DLG5: variants seen among roughly 807,000 people sequenced by gnomAD.
DLG5 encodes discs large MAGUK scaffold protein 5.
Under a neutral mutation model 189.8 loss-of-function variants are expected in DLG5, and 48 were observed. The ratio of observed to expected loss-of-function variants is 0.25; its 90% CI spans 0.20 to 0.32. The LOEUF (loss-of-function observed/expected upper bound fraction) is 0.32. DLG5 is among the 10% of genes least tolerant of loss of function. The pLI is 1.00. For synonymous variants in DLG5, 1,016 were observed against 1,054.1 expected, an observed-to-expected ratio of 0.96 and a Z score of 0.70; for missense variants, 2,160 against 2,544.7, an observed-to-expected ratio of 0.85 and a Z score of 3.25.
chr10:77,811,168 A>T lies in DLG5; in HGVS notation c.4389T>A (p.His1463Gln), dbSNP rs556934046. 1 of 1,613,272 alleles carries T rather than the reference A, an allele frequency of 6.2e-7. No individual in the cohort carries two copies. Among genetic ancestry groups the T allele is most frequent in the African/African-American group, 1.3e-5 (1 of 74,920 alleles). Residue 1463 changes from histidine (H) to glutamine (Q), a missense_variant, in exon 23 of 32, where the codon CAT becomes CAA. Coordinates refer to ENST00000372391, the MANE Select transcript of DLG5 (RefSeq NM_004747.4). The stretch of plus-strand genomic sequence containing the variant: ...CCATCAGTGGGTCGATGACAGATGG[A>T]TGCTCCGGGGTGGTGGTGCCACTGC... Reference protein sequence around the residue: ...LQGSGTTTPEHPSVIDPLMEQ... With the variant: ...LQGSGTTTPEQPSVIDPLMEQ...
intron 1 of DLG5, among the ~76,000 whole-genome samples, chr10:77,885,073 TC>T (rs1845398680): frequency 6.6e-6 from 1 of 152,134 alleles, no homozygotes; most frequent in African/African-American, 2.4e-5. Context: ...GGCTGTCACC[TC>T]CTATCCCCCC....
chr10:77,841,670 C>T (rs1843422000), intron 7 of DLG5, among the ~76,000 whole-genome samples: 1 of 152,184 alleles, frequency 6.6e-6, no homozygotes, highest in African/African-American at 2.4e-5. Flanking sequence ...GGGTCTCCCT[C>T]CCGCCTTGTC....
rs533258005 is a variant in DLG5 at position 77,886,413 on chromosome 10, C to T, written c.305-17216G>A. 1.5e-4 allele frequency among the ~76,000 whole-genome samples: 22 copies of T among 150,730 alleles called. No individual in the cohort carries two copies. The East Asian group carries it at 4.3e-3, about 29-fold the overall frequency. On this transcript the variant is annotated intron_variant, in intron 1 of 31. Coordinates refer to ENST00000372391, the MANE Select transcript of DLG5 (RefSeq NM_004747.4). ...TTTTTTTTTTGGAGACAGAGTCTCGCTCTGTCACCCAGGCTAGATCTCAGC... is the reference window on the plus strand; with the variant it reads ...TTTTTTTTTTGGAGACAGAGTCTCGTTCTGTCACCCAGGCTAGATCTCAGC...
chr10:77,795,022 C>CTGGTGGCAGGA, intron 29 of DLG5, 64 bp from the exon 30 acceptor site: 3 of 1,375,532 alleles, frequency 2.2e-6, no homozygotes, highest in African/African-American at 1.4e-5. Context: ...CCCTGTCCTG[C>CTGGTGGCAGGA]CACCAGCAGG....
intron 3 of DLG5, 132 bp downstream of exon 3, chr10:77,856,598 G>A: frequency 1.7e-6 from 2 of 1,182,524 alleles, no homozygotes; most frequent in Non-Finnish European, 2.4e-6. Flanking sequence ...GACATGAGGT[G>A]GGGGAAAGGG....
chr10:77,923,666 G>T (rs1427713887), intron 1 of DLG5, among the ~76,000 whole-genome samples: 2 of 152,182 alleles, frequency 1.3e-5, no homozygotes, highest in Non-Finnish European at 2.9e-5. Context: ...GCTGAGGCAG[G>T]AGGATGGCTT....
At position 77,835,995 on chromosome 10, in the gene DLG5, CG is replaced by C; in HGVS notation, c.1438-74del. The C allele has an allele frequency of 6.7e-6, 10 of 1,502,666 alleles. No individual in the cohort carries two copies. The South Asian group carries it at 1.3e-4, about 19-fold the overall frequency. The allele number at this position is 1,502,666 out of a possible 1,614,324, so 93.1% of individuals were successfully genotyped here. The stretch of plus-strand genomic sequence containing the variant: ...GGACCAGGAGCGCCTCCCACCAGTG[CG>C]GGGGCCAAGGCTGAGGCTCTAGGGA... On this transcript the variant is annotated intron_variant, in intron 7 of 31. Transcript: ENST00000372391.
chr10:77,834,335 A>G (rs889678793), intron 8 of DLG5, among the ~76,000 whole-genome samples: 1 of 151,968 alleles, frequency 6.6e-6, no homozygotes, highest in Admixed American at 6.5e-5. Flanking sequence ...GTTAAGGACC[A>G]CCCTCTGCAC....
intron 1 of DLG5, among the ~76,000 whole-genome samples, chr10:77,875,606 G>A (rs1169817928): frequency 6.6e-6 from 1 of 152,196 alleles, no homozygotes; most frequent in Non-Finnish European, 1.5e-5. Flanking sequence ...GCACTCAAGA[G>A]CCACTCAATT....
chr10:77,875,988 T>C (rs992882647), intron 1 of DLG5, among the ~76,000 whole-genome samples: 1 of 152,072 alleles, frequency 6.6e-6, no homozygotes, highest in Admixed American at 6.5e-5. Flanking sequence ...GGCCCTGGAA[T>C]GGAGCAACCA....
Position 77,830,307 on chromosome 10 carries a change from G to A in DLG5, c.1919C>T (p.Ala640Val), listed in dbSNP as rs1842838564. 6.2e-7 allele frequency: 1 copy of A among 1,614,052 alleles called. No homozygotes were observed. Among genetic ancestry groups the A allele is most frequent in the South Asian group, 1.1e-5 (1 of 91,084 alleles). The change falls in exon 11 of 32, where the codon GCA becomes GTA. Residue 640 changes from alanine (A) to valine (V), a missense_variant. Coordinates refer to ENST00000372391, the MANE Select transcript of DLG5 (RefSeq NM_004747.4). The stretch of plus-strand genomic sequence containing the variant: ...GAAACAAGGCTCATTCACACCTTCT[G>A]CCATATCAAACCCCAGTGCCTTCAA... Reference protein sequence around the residue: ...IDLKALGFDMAEGVNEPCFPG... With the variant: ...IDLKALGFDMVEGVNEPCFPG...
chr10:77,792,705 T>G (rs1187877801), intron 31 of DLG5, 162 bp from the exon 32 acceptor site: 3 of 653,250 alleles, frequency 4.6e-6, no homozygotes, highest in Non-Finnish European at 7.9e-6. Context: ...AGCAAGAAAC[T>G]GGGAAAGAAA....
intron 13 of DLG5, among the ~76,000 whole-genome samples, chr10:77,828,265 C>T (rs183185023): frequency 2.2e-3 from 339 of 152,144 alleles, no homozygotes; most frequent in Non-Finnish European, 2.9e-3. Flanking sequence ...GCGGGCAGAT[C>T]ACCTGAGGTC....
intron 14 of DLG5, among the ~76,000 whole-genome samples, chr10:77,822,741 C>T (rs868768796): frequency 3.9e-5 from 6 of 152,052 alleles, no homozygotes; most frequent in African/African-American, 1.4e-4. Context: ...TCTTGTGGTA[C>T]ACCCAGACAA....
intron 1 of DLG5, among the ~76,000 whole-genome samples, chr10:77,904,459 T>G (rs574237390): frequency 1.3e-5 from 2 of 152,000 alleles, no homozygotes; most frequent in South Asian, 4.2e-4. Flanking sequence ...GGGCCAGGGG[T>G]GGAATGATAA....
chr10:77,819,618 G>A (rs114687206), intron 16 of DLG5, 153 bp from the exon 17 acceptor site: 103 of 1,142,588 alleles, frequency 9.0e-5, no homozygotes, highest in Admixed American at 2.3e-4. Flanking sequence ...CAATGTGGCT[G>A]TGGCTCCTGG....
Position 77,794,079 on chromosome 10 carries a change from G to A in DLG5, c.5585C>T (p.Thr1862Ile), listed in dbSNP as rs1840779119. 6.2e-7 allele frequency: 1 copy of A among 1,614,048 alleles called. No individual in the cohort carries two copies. Among genetic ancestry groups the A allele is most frequent in the Non-Finnish European group, 8.5e-7 (1 of 1,180,042 alleles). The change falls in exon 31 of 32, where the codon ACT becomes ATT. Residue 1862 changes from threonine to isoleucine, a missense_variant. Physicochemically the swap from Thr to Ile is moderately conservative, Grantham distance 89 (BLOSUM62 -1). This residue lies in a region of DLG5 where 574 missense variants were observed against 644.2 expected (regional missense o/e 0.89). Transcript: ENST00000372391. ...RDPIYLRDKV[T>I]QRHSKEQFEA... ...AAACTGCTCTTTGGAATGCCTCTGA[G>A]TCACCTTGTCCCTCAGGTAGATGGG...
At chr10:77,855,154 A>AT (rs915668222) in intron 3 of DLG5, among the ~76,000 whole-genome samples, 32 of 152,336 alleles carry the variant, frequency 2.1e-4, no homozygotes, top group African/African-American at 7.5e-4. Context: ...AAACGTGAGG[A>AT]TTTTTTAAAA....
In DLG5 at chr10:77,796,315, T is replaced by C; in HGVS notation, c.5309-127A>G. Reference sequence around the variant, plus strand: ...TCCTGCCATGCATGAATCTGACCCATGTCAGCAGGCTTCTGGAACACTGTG... The same window carrying C: ...TCCTGCCATGCATGAATCTGACCCACGTCAGCAGGCTTCTGGAACACTGTG... On this transcript the variant is annotated intron_variant, in intron 28 of 31. Transcript: ENST00000372391. This position sits in a 1 kb window ranked among gnomAD's most constrained non-coding sequence, Gnocchi z 5.2. 5 of 1,585,008 alleles carry C rather than the reference T, an allele frequency of 3.2e-6. No individual in the cohort carries two copies. Among genetic ancestry groups the C allele is most frequent in the East Asian group, 4.5e-5 (2 of 44,524 alleles).
Sources: allele counts gnomAD v4.1 joint callset (sites outside exome capture counted in the v4.1 genomes callset), GRCh38; gene constraint gnomAD v4.1.1; regional missense constraint gnomAD v4.1.1; non-coding constraint Gnocchi (gnomAD v3.1); transcripts MANE v1.5; gene names NCBI Gene and HGNC (gene_info 2026-07-23, HGNC 2026-07-21).